The following CCDC178 variants were observed in gnomAD, a reference collection of about 807,000 sequenced individuals.
The protein encoded by CCDC178 is coiled-coil domain containing 178.
A neutral mutation model predicts 117.4 loss-of-function variants in CCDC178; 126 were observed. The observed-to-expected ratio is 1.07, with a 90% CI of 0.93 to 1.24. The LOEUF (loss-of-function observed/expected upper bound fraction) is 1.24. CCDC178 is among the 50% of genes most tolerant of loss of function. The pLI is 0.00. For missense variants in CCDC178, 1,030 were observed against 986.9 expected (o/e 1.04, Z -0.59); for synonymous variants, 283 against 313.4 (o/e 0.90, Z 1.02).
chr18:33,016,337 A>C (rs955370796), intron 21 of CCDC178, among the ~76,000 whole-genome samples: 7 of 152,090 alleles, frequency 4.6e-5, no homozygotes, highest in Non-Finnish European at 4.4e-5. Context: ...AAACAAAAAC[A>C]AAACAGATTT....
At chr18:33,310,071 C>T (rs1248374110) in intron 11 of CCDC178, among the ~76,000 whole-genome samples, 2 of 152,150 alleles carry the variant, frequency 1.3e-5, no homozygotes, top group Middle Eastern at 3.4e-3. Context: ...AAGCAATTCC[C>T]CTGCCTCAGC....
chr18:33,437,182 T>TTATGAGGATAGTTA (rs1489650002), intron 2 of CCDC178, among the ~76,000 whole-genome samples: 1 of 152,154 alleles, frequency 6.6e-6, no homozygotes, highest in Non-Finnish European at 1.5e-5. Context: ...ATTTTTAGAC[T>TTATGAGGATAGTTA]CAACAGTTAC....
chr18:33,083,725 A>T (rs1353155404), intron 21 of CCDC178, among the ~76,000 whole-genome samples: 1 of 152,226 alleles, frequency 6.6e-6, no homozygotes, highest in Non-Finnish European at 1.5e-5. Context: ...TGTGGTAAAA[A>T]TATTAAGTTC....
At chr18:33,420,325 G>T (rs1250590576) in intron 2 of CCDC178, among the ~76,000 whole-genome samples, 1 of 151,936 alleles carries the variant, frequency 6.6e-6, no homozygotes, top group Non-Finnish European at 1.5e-5. Context: ...AAATTATTAG[G>T]TTGGTATAAA....
intron 21 of CCDC178, among the ~76,000 whole-genome samples, chr18:33,088,877 C>G (rs2057422063): frequency 6.6e-6 from 1 of 152,090 alleles, no homozygotes; most frequent in Non-Finnish European, 1.5e-5. Flanking sequence ...AGTTCTAGGA[C>G]AACATTTCTT....
chr18:33,333,966 A>G (rs1011707580), intron 9 of CCDC178, among the ~76,000 whole-genome samples: 1 of 152,214 alleles, frequency 6.6e-6, no homozygotes, highest in African/African-American at 2.4e-5. Context: ...TGACCATTCT[A>G]TAAAGTACTC....
intron 20 of CCDC178, 62 bp from the exon 21 acceptor site, chr18:33,092,972 T>C: frequency 1.0e-6 from 1 of 1,002,158 alleles, no homozygotes; most frequent in Non-Finnish European, 1.4e-6. Flanking sequence ...ATTAAAATCA[T>C]TTGGATTTGT....
chr18:33,419,168 C>T (rs184632189), intron 2 of CCDC178, among the ~76,000 whole-genome samples: 195 of 152,130 alleles, frequency 1.3e-3, no homozygotes, highest in African/African-American at 3.8e-3. Flanking sequence ...TTGACAAAGT[C>T]GACAAAAACA....
intron 20 of CCDC178, among the ~76,000 whole-genome samples, chr18:33,158,753 A>T (rs1432921547): frequency 6.6e-6 from 1 of 152,092 alleles, no homozygotes; most frequent in African/African-American, 2.4e-5. Flanking sequence ...TTTGTATGTT[A>T]TGACAAGCCA....
At chr18:33,152,250 A>G (rs749103545) in intron 20 of CCDC178, among the ~76,000 whole-genome samples, 1 of 152,178 alleles carries the variant, frequency 6.6e-6, no homozygotes, top group Non-Finnish European at 1.5e-5. Flanking sequence ...AATGCTCACT[A>G]TTCTATAACT....
intron 20 of CCDC178, among the ~76,000 whole-genome samples, chr18:33,144,873 C>T (rs1440942120): frequency 1.3e-5 from 2 of 152,126 alleles, no homozygotes; most frequent in Non-Finnish European, 1.5e-5. Context: ...CCATGAATCA[C>T]CTGGTGGCCT....
At chr18:32,973,886 CAT>C (rs1195098636) in intron 22 of CCDC178, among the ~76,000 whole-genome samples, 5 of 152,040 alleles carry the variant, frequency 3.3e-5, no homozygotes, top group African/African-American at 9.7e-5. Flanking sequence ...CAGGTAGTAA[CAT>C]GTGATATGGT....
chr18:33,373,877 C>T (rs1047430095), intron 5 of CCDC178, among the ~76,000 whole-genome samples: 1 of 152,162 alleles, frequency 6.6e-6, no homozygotes, highest in African/African-American at 2.4e-5. Flanking sequence ...CAACTACCAT[C>T]CATGAAGGAG....
chr18:33,296,754 G>A (rs555745626), intron 11 of CCDC178, among the ~76,000 whole-genome samples: 2 of 152,160 alleles, frequency 1.3e-5, no homozygotes, highest in South Asian at 2.1e-4. Context: ...TGGGCCAGGC[G>A]TGGTGGCTCA....
At chr18:33,191,357 A>G (rs1249317647) in intron 20 of CCDC178, among the ~76,000 whole-genome samples, 2 of 152,102 alleles carry the variant, frequency 1.3e-5, no homozygotes, top group Non-Finnish European at 2.9e-5. Flanking sequence ...GTTTTAGAAA[A>G]TTTTGTCCTA....
chr18:33,080,007 A>C (rs2145029373), intron 21 of CCDC178, among the ~76,000 whole-genome samples: 1 of 152,342 alleles, frequency 6.6e-6, no homozygotes, highest in Non-Finnish European at 1.5e-5. Flanking sequence ...TCACAATAGC[A>C]AAGACATGGA....
chr18:33,006,813 G>T (rs1185838591), intron 21 of CCDC178, among the ~76,000 whole-genome samples: 1 of 152,018 alleles, frequency 6.6e-6, no homozygotes, highest in Non-Finnish European at 1.5e-5. Context: ...AAAGAATTGT[G>T]AGGGTCTCTA....
At chr18:33,349,157 G>A (rs1305119408) in intron 7 of CCDC178, among the ~76,000 whole-genome samples, 182 bp from the exon 8 acceptor site, 4 of 151,672 alleles carry the variant, frequency 2.6e-5, no homozygotes, top group Non-Finnish European at 4.4e-5. Context: ...ACACTTAACG[G>A]TAAATTAATA....
intron 11 of CCDC178, among the ~76,000 whole-genome samples, chr18:33,313,927 G>A (rs1040081661): frequency 1.3e-5 from 2 of 152,102 alleles, no homozygotes; most frequent in African/African-American, 2.4e-5. Flanking sequence ...TGGGCCGGGC[G>A]CGGTGGCTCA....
Sources: gnomAD v4.1 joint callset for allele counts (sites outside exome capture counted in the v4.1 genomes callset) on GRCh38, gnomAD v4.1.1 for gene constraint, MANE v1.5 for transcripts, NCBI Gene and HGNC (gene_info 2026-07-23, HGNC 2026-07-21) for gene names.